DNAAF9: variants seen among roughly 807,000 people sequenced by gnomAD.
The protein encoded by DNAAF9 is dynein axonemal assembly factor 9, also known as shulin.
In DNAAF9, 90 loss-of-function variants were observed where a neutral mutation model predicts 167.0. That is an observed-to-expected ratio of 0.54 (90% confidence interval 0.45 to 0.64). The LOEUF is 0.64. DNAAF9 is among the 30% of genes least tolerant of loss of function. DNAAF9 has a pLI of 0.00. For synonymous variants in DNAAF9, 491 were observed against 508.8 expected (o/e 0.96, Z 0.47); for missense variants, 1,315 against 1,442.2 (o/e 0.91, Z 1.43).
In DNAAF9 at chr20:3,391,180, CA is replaced by C. The variant is rs2083821112; in HGVS notation, c.84-8675del. On this transcript the variant is annotated intron_variant, in intron 1 of 36. Transcript: ENST00000252032. ...TAATTAGTGTTTCTTATTTTATTAT[CA>C]AATGGTGAAACTAAATTCAATTCTT... Among the ~76,000 whole-genome samples, 3 of 152,290 alleles carry C rather than the reference CA, an allele frequency of 2.0e-5. No individual in the cohort carries two copies. In the South Asian group the frequency reaches 6.2e-4, roughly 32 times the overall value.
chr20:3,264,272 T>TG (rs1171805133), intron 31 of DNAAF9, among the ~76,000 whole-genome samples, 166 bp downstream of exon 31: 1 of 152,080 alleles, frequency 6.6e-6, no homozygotes, highest in Non-Finnish European at 1.5e-5. Context: ...ACTGGGCTCC[T>TG]GGCAAGGCCA....
intron 31 of DNAAF9, among the ~76,000 whole-genome samples, chr20:3,260,570 T>A (rs2068366218): frequency 6.6e-6 from 1 of 151,150 alleles, no homozygotes; most frequent in Non-Finnish European, 1.5e-5. Flanking sequence ...CCAGTCCCCA[T>A]CTGAGTTTGG....
At chr20:3,312,749 C>T (rs1250163002) in intron 20 of DNAAF9, among the ~76,000 whole-genome samples, 1 of 152,048 alleles carries the variant, frequency 6.6e-6, no homozygotes, top group Non-Finnish European at 1.5e-5. Flanking sequence ...AACTTCAAGC[C>T]CCACAAAACC....
At chr20:3,253,912 T>A (rs144261715) in intron 35 of DNAAF9, 93 bp from the exon 36 acceptor site, 7 of 754,144 alleles carry the variant, frequency 9.3e-6, no homozygotes, top group African/African-American at 3.5e-5. Flanking sequence ...CCTAGCAAGA[T>A]AGACTACTCT....
intron 8 of DNAAF9, among the ~76,000 whole-genome samples, chr20:3,347,616 T>C (rs1021072523): frequency 3.3e-5 from 5 of 152,208 alleles, no homozygotes; most frequent in South Asian, 2.1e-4. Flanking sequence ...AAGAGCATTG[T>C]ATTGTGGAGT....
chr20:3,262,498 C>T (rs1233179886), intron 31 of DNAAF9, among the ~76,000 whole-genome samples: 1 of 152,188 alleles, frequency 6.6e-6, no homozygotes, highest in African/African-American at 2.4e-5. Context: ...GTCCACCTGC[C>T]TTGGCCTCCC....
At chr20:3,385,205 G>T (rs992548678) in intron 1 of DNAAF9, among the ~76,000 whole-genome samples, 3 of 151,722 alleles carry the variant, frequency 2.0e-5, no homozygotes, top group African/African-American at 7.3e-5. Context: ...CATAATACCG[G>T]AAGTTCTAGC....
At chr20:3,334,724 G>A (rs1053589814) in intron 10 of DNAAF9, among the ~76,000 whole-genome samples, 1 of 152,184 alleles carries the variant, frequency 6.6e-6, no homozygotes, top group African/African-American at 2.4e-5. Context: ...GGTGTTGTCA[G>A]TCTTCTGAAT....
In DNAAF9 at chr20:3,255,329, G is replaced by T. The variant is rs371685251; in HGVS notation, c.3262-45C>A. On this transcript the variant is annotated intron_variant, in intron 34 of 36. Transcript: ENST00000252032. ...AGGGTCAGGTCCCAGCAGAACTCAT[G>T]GAGTGCATGGGCAGGGGAGGGCTCT... 98 of 1,241,862 alleles carry T rather than the reference G, an allele frequency of 7.9e-5. No individual in the cohort carries two copies. The African/African-American group carries it at 1.4e-3, about 17-fold the overall frequency. 76.9% of individuals were successfully genotyped at this position (1,241,862 alleles called of 1,614,324 possible).
intron 33 of DNAAF9, among the ~76,000 whole-genome samples, chr20:3,258,011 G>A (rs1328503386): frequency 2.1e-5 from 2 of 93,176 alleles, no homozygotes; most frequent in Admixed American, 9.6e-5. Context: ...TTACAGGTGT[G>A]AGCCACCGAG....
At chr20:3,307,806 C>T (rs903423782) in intron 20 of DNAAF9, among the ~76,000 whole-genome samples, 2 of 152,072 alleles carry the variant, frequency 1.3e-5, no homozygotes, top group African/African-American at 2.4e-5. Context: ...AAGAATTTCG[C>T]TTTCCTCTTT....
chr20:3,267,134 G>A (rs2068505266), intron 30 of DNAAF9, among the ~76,000 whole-genome samples: 1 of 152,194 alleles, frequency 6.6e-6, no homozygotes, highest in Non-Finnish European at 1.5e-5. Context: ...TTACAGGTGT[G>A]AGCCACCGTG....
chr20:3,330,786 C>T, intron 11 of DNAAF9, 104 bp from the exon 12 acceptor site: 1 of 585,150 alleles, frequency 1.7e-6, no homozygotes, highest in Non-Finnish European at 3.0e-6. Context: ...TTGTCAAGAA[C>T]TACACTTTTT....
intron 1 of DNAAF9, among the ~76,000 whole-genome samples, chr20:3,383,409 C>T (rs1239018200): frequency 2.6e-5 from 4 of 151,442 alleles, no homozygotes; most frequent in African/African-American, 9.7e-5. Flanking sequence ...GCTGGGATTA[C>T]AGGTGTGTGC....
rs192873036 is a variant in DNAAF9 at position 3,330,697 on chromosome 20, C to T, written c.1064-15G>A. 1.9e-6 allele frequency: 3 copies of T among 1,564,162 alleles called. No individual in the cohort carries two copies. The highest frequency in any genetic ancestry group is 3.4e-5 in the Admixed American group (2 of 58,518). Reference sequence around the variant, plus strand: ...GCTGTCACCACCTGTGAAAGAGGCCCACTAAGAATGTGACAAGAGCACAGG... The same window carrying T: ...GCTGTCACCACCTGTGAAAGAGGCCTACTAAGAATGTGACAAGAGCACAGG... On this transcript the variant is annotated splice_polypyrimidine_tract_variant and intron_variant, in intron 11 of 36. Transcript: ENST00000252032.
intron 23 of DNAAF9, chr20:3,296,151 C>G (rs2069073318): frequency 1.6e-6 from 1 of 609,260 alleles, no homozygotes; most frequent in African/African-American, 1.8e-5. Context: ...AGTTCTGCAA[C>G]CTCTGTAGTC....
At chr20:3,384,019 A>C (rs928372533) in intron 1 of DNAAF9, among the ~76,000 whole-genome samples, 1 of 151,802 alleles carries the variant, frequency 6.6e-6, no homozygotes, top group Non-Finnish European at 1.5e-5. Flanking sequence ...CTGGTCTTGA[A>C]CTCGACCTCA....
chr20:3,336,268 T>TGTTTGTTTG (rs1568612417), intron 10 of DNAAF9, among the ~76,000 whole-genome samples: 18 of 149,508 alleles, frequency 1.2e-4, no homozygotes, highest in African/African-American at 4.5e-4. Context: ...GTTTTTTTTT[T>TGTTTGTTTG]TTTTTTTGCC....
At chr20:3,377,602 T>C (rs534822405) in intron 3 of DNAAF9, among the ~76,000 whole-genome samples, 2 of 151,932 alleles carry the variant, frequency 1.3e-5, no homozygotes, top group South Asian at 4.2e-4. Context: ...GGGCTACAGG[T>C]GAGCGCCACC....
Sources: gnomAD v4.1 joint callset for allele counts (sites outside exome capture counted in the v4.1 genomes callset) on GRCh38, gnomAD v4.1.1 for gene constraint, MANE v1.5 for transcripts, NCBI Gene and HGNC (gene_info 2026-07-23, HGNC 2026-07-21) for gene names.